Variants in RAB40A observed in about 807,000 individuals in gnomAD.
RAB40A encodes RAB40A, member RAS oncogene family, also known as ras-related protein Rab-40A.
For synonymous variants in RAB40A, 65 were observed against 99.9 expected, an observed-to-expected ratio of 0.65 and a Z score of 2.08; for missense variants, 145 against 230.2, an observed-to-expected ratio of 0.63 and a Z score of 2.40.
chrX:103,495,303 G>A (rs764187085), downstream of RAB40A, among the ~76,000 whole-genome samples: 1 of 111,930 alleles, frequency 8.9e-6, no homozygotes, highest in Non-Finnish European at 1.9e-5. Context: ...AGTTCTAATC[G>A]TTTTTTGATG....
rs762276906 is a variant in RAB40A at position 103,500,410 on chromosome X, G to A, written c.347C>T (p.Ala116Val). The change falls in exon 3 of 3, where the codon GCC (alanine) becomes GTC (valine). Residue 116 changes from alanine (A) to valine (V), a missense_variant. Transcript: ENST00000304236. Reference protein sequence around the residue: ...DRWIKKIEEHAPGVPKILVGN... With the variant: ...DRWIKKIEEHVPGVPKILVGN... ...CACCAGGATTTTAGGGACACCAGGG[G>A]CATGTTCCTCAATCTTCTTAATCCA... 1.7e-6 allele frequency: 2 copies of A among 1,210,957 alleles called. No individual in the cohort carries two copies. The highest frequency in any genetic ancestry group is 3.0e-5 in the East Asian group (1 of 33,835).
rs780159934 is a variant in RAB40A, at chrX:103,500,485, A to T, written c.272T>A (p.Ile91Asn). Residue 91 changes from isoleucine to asparagine, a missense_variant, in exon 3 of 3, where the codon ATC becomes AAC. Ile to Asn is a moderately radical substitution (Grantham distance 149). Transcript: ENST00000304236. ...RSYSRGAQGVILVYDIANRWS... is the reference protein window; with the variant it reads ...RSYSRGAQGVNLVYDIANRWS... ...GCGGTTTGCAATGTCGTAGACCAGG[A>T]TCACTCCTTGTGCACCACGAGAGTA... is the stretch of plus-strand genomic sequence containing the variant. The T allele has an allele frequency of 5.3e-5, 64 of 1,208,572 alleles. No individual in the cohort carries two copies. The highest frequency in any genetic ancestry group is 7.2e-5 in the Non-Finnish European group (64 of 894,530).
intron 2 of RAB40A, chrX:103,503,227 C>A: frequency 1.3e-6 from 1 of 753,372 alleles, no homozygotes; most frequent in South Asian, 6.8e-5. Flanking sequence ...CATGAAACAC[C>A]AGGTAGCACT....
chrX:103,509,289 ATCTCTCTC>A (rs373450734), intron 2 of RAB40A, among the ~76,000 whole-genome samples: 68 of 86,112 alleles, frequency 7.9e-4, no homozygotes, highest in Middle Eastern at 7.8e-3. Context: ...CAGCCACAGG[ATCTCTCTC>A]TCTCTCTCTC....
downstream of RAB40A, among the ~76,000 whole-genome samples, chrX:103,498,022 C>T (rs889069989): frequency 4.5e-5 from 5 of 111,712 alleles, no homozygotes; most frequent in Non-Finnish European, 7.5e-5. Context: ...AAAGAATTTC[C>T]ACCTGTCATA....
intron 2 of RAB40A, among the ~76,000 whole-genome samples, chrX:103,516,351 A>T (rs2073316540): frequency 1.8e-5 from 2 of 111,857 alleles, no homozygotes; most frequent in Non-Finnish European, 3.8e-5. Context: ...CTGGGCTAGC[A>T]AAACGCAGTA....
At chrX:103,498,126 T>C, downstream of RAB40A, among the ~76,000 whole-genome samples, 1 of 111,111 alleles carries the variant, frequency 9.0e-6, no homozygotes, top group East Asian at 2.8e-4. Context: ...GGGATGTCAT[T>C]TAGTACAACC....
intron 2 of RAB40A, among the ~76,000 whole-genome samples, chrX:103,506,561 A>G (rs760210530): frequency 1.8e-5 from 2 of 112,309 alleles, no homozygotes; most frequent in Non-Finnish European, 3.8e-5. Flanking sequence ...TAAAAACCCT[A>G]AACTCCTTAC....
At position 103,517,371 on chromosome X, in the gene RAB40A, C is replaced by T. The variant is rs2073321946; in HGVS notation, c.-71+3G>A. ...CAGAGGCCAACAGAGGGAAGAGACT[C>T]ACCCCAAAAACCACAGTCAGTTGAT... is the stretch of plus-strand genomic sequence containing the variant. On this transcript the variant is annotated splice_donor_region_variant and intron_variant, in intron 2 of 2. Transcript: ENST00000304236. 9.0e-6 allele frequency: 1 copy of T among 110,999 alleles called. No homozygotes were observed. Among genetic ancestry groups the T allele is most frequent in the African/African-American group, 3.3e-5 (1 of 30,526 alleles). The allele number at this position is 110,999 out of a possible 1,213,427, so 9.1% of individuals were successfully genotyped here. A position where few individuals can be genotyped will look rare whatever the true frequency, so the allele number is the denominator to read the frequency against.
At position 103,500,165 on chromosome X, in the gene RAB40A, G is replaced by A. The variant is rs369502037; in HGVS notation, c.592C>T (p.Arg198Cys). 14 of 1,211,943 alleles carry A rather than the reference G, an allele frequency of 1.2e-5. No homozygotes were observed. Among genetic ancestry groups the A allele is most frequent in the Middle Eastern group, 2.3e-4 (1 of 4,348 alleles). ...KVLSLQDLCC[R>C]TIVSCTPVHL... is the part of the protein sequence containing the mutation. ...ACAGGTGTGCAGGACACGATGGTGC[G>A]GCAGCAGAGGTCTTGCAAGCTCAGT... The change falls in exon 3 of 3, where the codon CGC becomes TGC. Residue 198 changes from arginine (R) to cysteine (C), a missense_variant. Transcript: ENST00000304236.
intron 2 of RAB40A, chrX:103,503,396 T>G (rs2073238879): frequency 2.7e-6 from 2 of 751,124 alleles, no homozygotes; most frequent in Admixed American, 8.9e-5. Context: ...CCCTGCTGTC[T>G]GTGAGGGACC....
downstream of RAB40A, among the ~76,000 whole-genome samples, chrX:103,494,775 A>G (rs2073154986): frequency 9.0e-6 from 1 of 111,298 alleles, no homozygotes; most frequent in South Asian, 3.7e-4. Context: ...CCACTGGTCT[A>G]TGTGTCTGTT....
intron 2 of RAB40A, 113 bp from the exon 3 acceptor site, chrX:103,500,939 T>A (rs2073224075): frequency 1.1e-6 from 1 of 876,419 alleles, no homozygotes; most frequent in Non-Finnish European, 1.6e-6. Context: ...AGGAAACTGA[T>A]TCAGCGATTG....
downstream of RAB40A, among the ~76,000 whole-genome samples, chrX:103,496,691 AGCAATAGTAT>A (rs1373513905): frequency 8.9e-6 from 1 of 112,622 alleles, no homozygotes; most frequent in African/African-American, 3.2e-5. Context: ...CTTTTATTGA[AGCAATAGTAT>A]GGGATATGTT....
chrX:103,517,985 C>T (rs1387071150), intron 1 of RAB40A, among the ~76,000 whole-genome samples: 1 of 111,841 alleles, frequency 8.9e-6, no homozygotes. Context: ...CCACTGGCCA[C>T]TCATGGCTAT....
At chrX:103,503,961 T>G (rs1200232994) in intron 2 of RAB40A, among the ~76,000 whole-genome samples, 3 of 112,086 alleles carry the variant, frequency 2.7e-5, no homozygotes, top group Non-Finnish European at 3.8e-5. Flanking sequence ...ATGTGCACAG[T>G]ACTTTTGACA....
chrX:103,504,853 T>C (rs892441618), intron 2 of RAB40A, among the ~76,000 whole-genome samples: 2 of 112,601 alleles, frequency 1.8e-5, no homozygotes, highest in African/African-American at 3.2e-5. Context: ...TTGCCTTGAA[T>C]ATTTTAATTA....
intron 2 of RAB40A, among the ~76,000 whole-genome samples, chrX:103,515,383 G>C (rs1421596988): frequency 1.8e-5 from 2 of 111,977 alleles, no homozygotes; most frequent in Non-Finnish European, 3.8e-5. Context: ...TGTCACCAAA[G>C]GTTCTATAAC....
chrX:103,518,428 C>A (rs1351240605), intron 1 of RAB40A, among the ~76,000 whole-genome samples: 1 of 110,305 alleles, frequency 9.1e-6, no homozygotes, highest in African/African-American at 3.3e-5. Flanking sequence ...ATTGAATCCA[C>A]TTAAAACACA....
Sources: gnomAD v4.1 joint callset for allele counts (sites outside exome capture counted in the v4.1 genomes callset) on GRCh38, gnomAD v4.1.1 for gene constraint, MANE v1.5 for transcripts, NCBI Gene and HGNC (gene_info 2026-07-23, HGNC 2026-07-21) for gene names.